CDC42BPB: variants seen among roughly 807,000 people sequenced by gnomAD.
CDC42BPB encodes the protein CDC42 binding protein kinase beta.
Under a neutral mutation model 214.9 loss-of-function variants are expected in CDC42BPB, and 37 were observed. The observed-to-expected ratio is 0.17, with a 90% CI of 0.13 to 0.23. The LOEUF is 0.23. Among genes scored for constraint, CDC42BPB ranks in the 10% least tolerant of loss-of-function variants. The probability of loss-of-function intolerance (pLI) is 1.00; values close to 1 mark genes in which losing one functional copy is unlikely to be tolerated. For synonymous variants in CDC42BPB, 931 were observed against 884.0 expected, an observed-to-expected ratio of 1.05 and a Z score of -0.94; for missense variants, 1,694 against 2,227.0, an observed-to-expected ratio of 0.76 and a Z score of 4.82.
rs1283001163 is a variant in CDC42BPB at position 102,950,557 on chromosome 14, TG to T, written c.3217del (p.Gln1073ArgfsTer38). 2 of 1,608,640 alleles carry T rather than the reference TG, an allele frequency of 1.2e-6. No homozygotes were observed. Among genetic ancestry groups the T allele is most frequent in the South Asian group, 1.1e-5 (1 of 90,538 alleles). On this transcript the variant is annotated frameshift_variant, in exon 25 of 37. Coordinates refer to ENST00000361246, the MANE Select transcript of CDC42BPB (RefSeq NM_006035.4). LOFTEE classifies it high-confidence loss of function. ...CHVSCKDGAPQVCPIPPEQSK... is the reference protein window; with the variant it reads ...CHVSCKDGAPXVCPIPPEQSK... ...CTGCTCGGGAGGTATTGGGCACACC[TG>T]GGGGGCACCGTCTTTGCAGGACACG... is the stretch of plus-strand genomic sequence containing the variant.
At chr14:102,974,290 A>ACACG in intron 11 of CDC42BPB, 141 bp from the exon 12 acceptor site, 1 of 1,423,040 alleles carries the variant, frequency 7.0e-7, no homozygotes, top group Non-Finnish European at 9.2e-7. Context: ...TTACACACAC[A>ACACG]CACACACACA....
intron 20 of CDC42BPB, chr14:102,959,915 G>A (rs1892882332): frequency 1.1e-6 from 1 of 883,722 alleles, no homozygotes; most frequent in Non-Finnish European, 1.3e-6. Flanking sequence ...ACTTGAAAAA[G>A]TAACCAAGGG....
At position 102,966,300 on chromosome 14, in the gene CDC42BPB, A is replaced by C. The variant is rs189496293; in HGVS notation, c.2559T>G (p.Ser853Arg). Reference protein sequence around the residue: ...TEELEALRSSSLGSRTLDPLW... With the variant: ...TEELEALRSSRLGSRTLDPLW... Reference sequence around the variant, plus strand: ...AACCTACCAGTGTTCTTGACCCCAGACTAGAACTCCTCAAAGCCTCGAGCT... The same window carrying C: ...AACCTACCAGTGTTCTTGACCCCAGCCTAGAACTCCTCAAAGCCTCGAGCT... Residue 853 changes from serine to arginine, a missense_variant, in exon 18 of 37, where the codon AGT becomes AGG. By Grantham distance (110) the Ser-to-Arg change is moderately radical. This residue lies in a region of CDC42BPB where 55 missense variants were observed against 95.5 expected (regional missense o/e 0.58). Coordinates refer to ENST00000361246, the MANE Select transcript of CDC42BPB (RefSeq NM_006035.4). The C allele has an allele frequency of 6.2e-7, 1 of 1,613,484 alleles. No individual in the cohort carries two copies. The highest frequency in any genetic ancestry group is 8.5e-7 in the Non-Finnish European group (1 of 1,179,512).
intron 1 of CDC42BPB, among the ~76,000 whole-genome samples, chr14:103,024,290 G>A (rs189795940): frequency 1.2e-4 from 19 of 152,292 alleles, no homozygotes; most frequent in East Asian, 9.6e-4. Context: ...AACAGAGTCC[G>A]TCCTAACTTA....
In CDC42BPB at chr14:102,986,498, C is replaced by A; in HGVS notation, c.679G>T (p.Asp227Tyr). 1 of 1,613,178 alleles carries A rather than the reference C, an allele frequency of 6.2e-7. No homozygotes were observed. The highest frequency in any genetic ancestry group is 8.5e-7 in the Non-Finnish European group (1 of 1,179,246). Residue 227 changes from aspartate (D) to tyrosine (Y), a missense_variant, in exon 6 of 37, where the codon GAT becomes TAT. This residue lies in a region of CDC42BPB where 225 missense variants were observed against 459.3 expected (regional missense o/e 0.49). Coordinates refer to ENST00000361246, the MANE Select transcript of CDC42BPB (RefSeq NM_006035.4). The part of the protein sequence containing the change: ...ADFGSCLKMN[D>Y]DGTVQSSVAV... ...ACAAAAATACCTACAGTGCCATCATCATTCATCTTCAAACATGATCCAAAG... is the reference window on the plus strand; with the variant it reads ...ACAAAAATACCTACAGTGCCATCATAATTCATCTTCAAACATGATCCAAAG...
At chr14:102,956,664 T>C (rs1180879334) in intron 21 of CDC42BPB, among the ~76,000 whole-genome samples, 1 of 151,982 alleles carries the variant, frequency 6.6e-6, no homozygotes, top group African/African-American at 2.4e-5. Flanking sequence ...AATCCATCTC[T>C]ACAAAAATTT....
chr14:102,941,014 G>A (rs2139350035), intron 30 of CDC42BPB: 1 of 676,682 alleles, frequency 1.5e-6, no homozygotes, highest in Non-Finnish European at 1.8e-6. Context: ...GTGAAACCAA[G>A]GACTGCAAAG....
rs951497297 is a variant in CDC42BPB at position 102,938,251 on chromosome 14, GCACCCCCTACCCCC to G, written c.4933+41_4933+54del. ...AAATGCCTGGGGTCTCCCCATTCCA[GCACCCCCTACCCCC>G]CACCTCCCCCAGGGCTGCGGGGGCC... On this transcript the variant is annotated intron_variant, in intron 35 of 36. Coordinates refer to ENST00000361246, the MANE Select transcript of CDC42BPB (RefSeq NM_006035.4). The G allele has an allele frequency of 4.4e-6, 7 of 1,599,288 alleles. No individual in the cohort carries two copies. In the African/African-American group the frequency reaches 6.7e-5, roughly 15 times the overall value.
At chr14:103,030,104 C>T (rs141735837) in intron 1 of CDC42BPB, among the ~76,000 whole-genome samples, 3 of 152,278 alleles carry the variant, frequency 2.0e-5, no homozygotes, top group East Asian at 3.9e-4. Context: ...CAGAGTGAGG[C>T]GCTCACTTTC....
At chr14:103,036,452 G>A (rs927156463) in intron 1 of CDC42BPB, among the ~76,000 whole-genome samples, 8 of 152,098 alleles carry the variant, frequency 5.3e-5, no homozygotes, top group Non-Finnish European at 1.0e-4. Flanking sequence ...ACCGCGCCCA[G>A]CCTAAAATAT....
intron 5 of CDC42BPB, among the ~76,000 whole-genome samples, chr14:102,990,203 AT>A (rs1894429456): frequency 6.6e-6 from 1 of 152,236 alleles, no homozygotes. Context: ...ATCCAACTGT[AT>A]TTCAAATAAA....
At chr14:102,973,851 C>T (rs562372811) in intron 12 of CDC42BPB, among the ~76,000 whole-genome samples, 165 bp downstream of exon 12, 35 of 152,306 alleles carry the variant, frequency 2.3e-4, no homozygotes, top group Admixed American at 1.2e-3. Context: ...AGCAGGCAGG[C>T]GTGGCAGGGG....
chr14:102,943,800 C>A lies in CDC42BPB; in HGVS notation c.4408+91G>T, dbSNP rs1892012706. ...GCTCTGTGACTACTCAACTAAGGGA[C>A]TGGAAGACAAACCAAAGCAAAATCG... On this transcript the variant is annotated intron_variant, in intron 30 of 36. Coordinates refer to ENST00000361246, the MANE Select transcript of CDC42BPB (RefSeq NM_006035.4). The surrounding 1 kb of genome is among the most constrained non-coding windows in gnomAD (Gnocchi z 4.6). 3 of 1,192,972 alleles carry A rather than the reference C, an allele frequency of 2.5e-6. No homozygotes were observed. The highest frequency in any genetic ancestry group is 1.2e-6 in the Non-Finnish European group (1 of 846,156). The allele number at this position is 1,192,972 out of a possible 1,614,324, so 73.9% of individuals were successfully genotyped here.
At chr14:102,963,207 A>G (rs773992679) in intron 19 of CDC42BPB, 52 bp from the exon 20 acceptor site, 1 of 1,564,382 alleles carries the variant, frequency 6.4e-7, no homozygotes, top group Non-Finnish European at 8.7e-7. Context: ...GTTGTCTGTG[A>G]GCTGGTATGG....
Position 102,952,106 on chromosome 14 carries a change from G to A in CDC42BPB, c.3172+392C>T, listed in dbSNP as rs1279086186. Among the ~76,000 whole-genome samples the A allele has an allele frequency of 2.0e-5, 3 of 152,130 alleles. No homozygotes were observed. The East Asian group carries it at 5.8e-4, about 30-fold the overall frequency. ...CTCATGCCTGTAATTCCAGCACTTC[G>A]GGAGGCTAAGGCGGGAGATCACTTG... On this transcript the variant is annotated intron_variant, in intron 24 of 36. Transcript: ENST00000361246.
chr14:102,994,109 TG>T (rs1220302455), intron 5 of CDC42BPB, among the ~76,000 whole-genome samples: 2 of 150,496 alleles, frequency 1.3e-5, no homozygotes, highest in Non-Finnish European at 3.0e-5. Flanking sequence ...CCACAACAGG[TG>T]TTCTATGGAC....
intron 1 of CDC42BPB, chr14:103,041,887 GA>G (rs1321588342): frequency 2.4e-6 from 1 of 422,374 alleles, no homozygotes; most frequent in Non-Finnish European, 4.6e-6. Flanking sequence ...CAGTTCTGCT[GA>G]AGAACTGAAA....
chr14:102,937,033 C>CA (rs1891674263), intron 36 of CDC42BPB: 1 of 151,940 alleles, frequency 6.6e-6, no homozygotes, highest in African/African-American at 2.4e-5. Flanking sequence ...ATAAAAAAAA[C>CA]AAAAAAATTG....
chr14:103,045,505 C>T (rs1328044559), intron 1 of CDC42BPB, among the ~76,000 whole-genome samples: 4 of 151,994 alleles, frequency 2.6e-5, no homozygotes, highest in African/African-American at 7.3e-5. Context: ...GAGGAGCAGG[C>T]GCTGTCCAGC....
Sources: gnomAD v4.1 joint callset for allele counts (sites outside exome capture counted in the v4.1 genomes callset) on GRCh38, gnomAD v4.1.1 for gene constraint, gnomAD v4.1.1 regional missense constraint, Gnocchi (gnomAD v3.1) non-coding constraint, MANE v1.5 for transcripts, NCBI Gene and HGNC (gene_info 2026-07-23, HGNC 2026-07-21) for gene names.